Variants in MAP4K4 observed in about 807,000 individuals in gnomAD.
MAP4K4 encodes the protein HPK/GCK-like kinase HGK.
Under a neutral mutation model 189.6 loss-of-function variants are expected in MAP4K4, and 38 were observed. The observed-to-expected ratio is 0.20, with a 90% CI of 0.15 to 0.26. The LOEUF (loss-of-function observed/expected upper bound fraction) is 0.26, where lower values mean the gene tolerates loss of function less well. Ranked by LOEUF, MAP4K4 falls within the 10% of genes least tolerant of loss-of-function variation. The pLI, the probability that MAP4K4 is intolerant of heterozygous loss-of-function variation, is 1.00. For missense variants in MAP4K4, 1,054 were observed against 1,726.9 expected (o/e 0.61, Z 6.91); for synonymous variants, 610 against 624.3 (o/e 0.98, Z 0.34).
intron 3 of MAP4K4, chr2:101,797,265 T>C (rs2093798546): frequency 7.7e-7 from 1 of 1,290,608 alleles, no homozygotes; most frequent in Non-Finnish European, 1.0e-6. Flanking sequence ...GCCAGCTAAA[T>C]GCTACAGGCC....
At chr2:101,725,068 T>C (rs1243175160) in intron 2 of MAP4K4, among the ~76,000 whole-genome samples, 1 of 152,208 alleles carries the variant, frequency 6.6e-6, no homozygotes, top group East Asian at 1.9e-4. Flanking sequence ...GGAAATGCAC[T>C]CTGTGATGTG....
chr2:101,860,596 G>C, intron 15 of MAP4K4: 1 of 454,720 alleles, frequency 2.2e-6, no homozygotes, highest in Non-Finnish European at 3.9e-6. Flanking sequence ...AAGGAGGAGA[G>C]CTTAGAGACT....
At chr2:101,837,324 T>G (rs949829709) in intron 9 of MAP4K4, among the ~76,000 whole-genome samples, 1 of 152,050 alleles carries the variant, frequency 6.6e-6, no homozygotes, top group Non-Finnish European at 1.5e-5. Context: ...GACACCCATC[T>G]TCATACCAGT....
At chr2:101,763,531 A>T (rs891919204) in intron 2 of MAP4K4, among the ~76,000 whole-genome samples, 3 of 152,216 alleles carry the variant, frequency 2.0e-5, no homozygotes, top group African/African-American at 7.2e-5. Flanking sequence ...TGATTAAAGA[A>T]TTAACCAGAG....
chr2:101,752,994 T>C (rs995773312), intron 2 of MAP4K4, among the ~76,000 whole-genome samples: 2 of 152,216 alleles, frequency 1.3e-5, no homozygotes, highest in Non-Finnish European at 2.9e-5. Flanking sequence ...TCTGTGTTTA[T>C]TGCACAGTAA....
intron 27 of MAP4K4, among the ~76,000 whole-genome samples, chr2:101,879,559 T>C (rs2098323762): frequency 6.6e-6 from 1 of 152,156 alleles, no homozygotes; most frequent in Non-Finnish European, 1.5e-5. Flanking sequence ...TCCCCAAAAG[T>C]TAAAAGGATT....
At chr2:101,847,287 A>G (rs911944108) in intron 12 of MAP4K4, among the ~76,000 whole-genome samples, 3 of 151,924 alleles carry the variant, frequency 2.0e-5, no homozygotes, top group Admixed American at 6.5e-5. Flanking sequence ...TGTATTTACT[A>G]TATTATACTT....
chr2:101,893,361 G>T (rs991945636), exon 33 of MAP4K4: 7 of 414,870 alleles, frequency 1.7e-5, no homozygotes, highest in Admixed American at 1.4e-4. Context: ...GCCGCCTACT[G>T]GTTTGTAGTT....
At chr2:101,726,380 A>G (rs879027853) in intron 2 of MAP4K4, among the ~76,000 whole-genome samples, 1 of 152,234 alleles carries the variant, frequency 6.6e-6, no homozygotes. Context: ...TTAGACAGGT[A>G]AATGTGGACA....
At chr2:101,814,639 C>G (rs2095615805) in intron 3 of MAP4K4, among the ~76,000 whole-genome samples, 1 of 152,158 alleles carries the variant, frequency 6.6e-6, no homozygotes, top group Non-Finnish European at 1.5e-5. Flanking sequence ...TAGCAAATTT[C>G]CATTTTCCAG....
chr2:101,743,912 T>G (rs2063941445), intron 2 of MAP4K4, among the ~76,000 whole-genome samples: 1 of 152,058 alleles, frequency 6.6e-6, no homozygotes, highest in African/African-American at 2.4e-5. Flanking sequence ...CCCTCCTTGG[T>G]CTCCCAAAGT....
intron 29 of MAP4K4, 111 bp from the exon 30 acceptor site, chr2:101,886,977 A>G (rs1011537828): frequency 4.1e-6 from 3 of 723,008 alleles, no homozygotes; most frequent in Non-Finnish European, 4.3e-6. Context: ...GTGAGCCGAG[A>G]TGGCGCCACT....
chr2:101,867,772 GCCTA>G lies in MAP4K4; in HGVS notation c.2455-253_2455-250del, dbSNP rs373716339. On this transcript the variant is annotated intron_variant, in intron 20 of 32. Coordinates refer to ENST00000324219, the Ensembl canonical transcript of MAP4K4. ...AATCACCTTCTTAAACTCACTGGTT[GCCTA>G]CCTTCTGCTTTTTGGTACCTGGGGT... The G allele has an allele frequency of 1.4e-3, 676 of 475,878 alleles. 2 individuals carry two copies. The highest frequency in any genetic ancestry group is 0.012 in the African/African-American group (618 of 50,612). The allele number at this position is 475,878 out of a possible 1,614,324, so 29.5% of individuals were successfully genotyped here.
Position 101,763,904 on chromosome 2 carries a change from C to T in MAP4K4, c.124-26816C>T, listed in dbSNP as rs1382015050. On this transcript the variant is annotated intron_variant, in intron 2 of 32. Transcript: ENST00000324219. Reference sequence around the variant, plus strand: ...AAAAAATCAGTGTTTCATCACAAGGCTGTGGCTGGAGAGGGGGCTGGAGAG... The same window carrying T: ...AAAAAATCAGTGTTTCATCACAAGGTTGTGGCTGGAGAGGGGGCTGGAGAG... Among the ~76,000 whole-genome samples the T allele has an allele frequency of 2.6e-5, 4 of 152,094 alleles. No individual in the cohort carries two copies. The East Asian group carries it at 7.7e-4, about 29-fold the overall frequency.
intron 6 of MAP4K4, among the ~76,000 whole-genome samples, chr2:101,830,554 G>C (rs2096565896): frequency 6.6e-6 from 1 of 152,204 alleles, no homozygotes; most frequent in South Asian, 2.1e-4. Flanking sequence ...AGGCACAGCT[G>C]TTGTACTGTA....
At chr2:101,887,905 T>C in exon 31 of MAP4K4, 1 of 1,611,520 alleles carries the variant, frequency 6.2e-7, no homozygotes, top group South Asian at 1.1e-5. Context: ...AAGGATGTAG[T>C]TCTACAGTGG....
intron 18 of MAP4K4, 74 bp from the exon 19 acceptor site, chr2:101,866,354 A>G: frequency 1.4e-6 from 2 of 1,451,694 alleles, no homozygotes; most frequent in Middle Eastern, 1.9e-4. Flanking sequence ...TGGGCACACC[A>G]TGCACATGTT....
At position 101,868,010 on chromosome 2, in the gene MAP4K4, A is replaced by T. The variant is rs182098199; in HGVS notation, c.2455-19A>T. ...CAACGATGGCTTCTCGGACTCCACG[A>T]AACTGCGCTGTACTGAAGGGCGAAG... is the stretch of plus-strand genomic sequence containing the variant. On this transcript the variant is annotated intron_variant, in intron 20 of 32. Coordinates refer to ENST00000324219, the Ensembl canonical transcript of MAP4K4. The T allele has an allele frequency of 2.2e-5, 36 of 1,613,382 alleles. No homozygotes were observed. The East Asian group carries it at 7.1e-4, about 32-fold the overall frequency.
Position 101,863,816 on chromosome 2 carries a change from G to C in MAP4K4, c.1867-5G>C. On this transcript the variant is annotated splice_region_variant and splice_polypyrimidine_tract_variant and intron_variant, in intron 16 of 32. Transcript: ENST00000324219. ...TGAATGTTTTGTGTTTTGTTTTCTT[G>C]TAAGGTACAGTGGTCCCACCTGGCA... 1 of 1,365,992 alleles carries C rather than the reference G, an allele frequency of 7.3e-7. No homozygotes were observed. The highest frequency in any genetic ancestry group is 9.8e-7 in the Non-Finnish European group (1 of 1,020,294). The allele number at this position is 1,365,992 out of a possible 1,614,324, so 84.6% of individuals were successfully genotyped here.
Sources: allele counts gnomAD v4.1 joint callset (sites outside exome capture counted in the v4.1 genomes callset), GRCh38; gene constraint gnomAD v4.1.1; transcripts MANE v1.5; gene names NCBI Gene and HGNC (gene_info 2026-07-23, HGNC 2026-07-21).